Variants in AMZ1 observed in about 807,000 individuals in gnomAD.
AMZ1 encodes the protein archaemetzincin-1.
A neutral mutation model predicts 29.9 loss-of-function variants in AMZ1; 39 were observed. The ratio of observed to expected loss-of-function variants is 1.30; its 90% CI spans 1.01 to 1.70. AMZ1 has a LOEUF of 1.70. Among genes scored for constraint, AMZ1 ranks in the 40% most tolerant of loss-of-function variants. The pLI, the probability that AMZ1 is intolerant of heterozygous loss-of-function variation, is 0.00. For synonymous variants in AMZ1, 458 were observed against 304.0 expected, an observed-to-expected ratio of 1.51 and a Z score of -5.27; for missense variants, 1,041 against 680.6, an observed-to-expected ratio of 1.53 and a Z score of -5.89.
rs547078155 is a variant in AMZ1, at chr7:2,699,651, G to A, written c.-218-583G>A. ...GTTGGGGGGTCCCTAGGTGATAGGGGCTCTGGGTGAGGAGGAATCCCAGAT... is the reference window on the plus strand; with the variant it reads ...GTTGGGGGGTCCCTAGGTGATAGGGACTCTGGGTGAGGAGGAATCCCAGAT... On this transcript the variant is annotated intron_variant, in intron 1 of 6. Coordinates refer to ENST00000683327, the MANE Select transcript of AMZ1 (RefSeq NM_001384743.1). Among the ~76,000 whole-genome samples, 18 of 152,336 alleles carry A rather than the reference G, an allele frequency of 1.2e-4. 1 individual carries two copies. The highest frequency in any genetic ancestry group is 4.1e-4 in the African/African-American group (17 of 41,578).
intron 6 of AMZ1, among the ~76,000 whole-genome samples, chr7:2,710,606 G>C (rs890100526): frequency 1.3e-5 from 2 of 152,192 alleles, no homozygotes; most frequent in African/African-American, 4.8e-5. Flanking sequence ...GCTGTATCTT[G>C]CAGGGTCCTG....
intron 4 of AMZ1, among the ~76,000 whole-genome samples, chr7:2,757,364 C>T (rs1247275114): frequency 3.9e-5 from 6 of 152,046 alleles, no homozygotes; most frequent in African/African-American, 1.4e-4. Context: ...AAAAGAGGTG[C>T]TCTCCTGCTG....
chr7:2,735,312 G>C (rs570652065), intron 4 of AMZ1, among the ~76,000 whole-genome samples: 2 of 152,312 alleles, frequency 1.3e-5, no homozygotes, highest in African/African-American at 4.8e-5. Context: ...ACCCTTGCCC[G>C]TTTCTAGGCA....
chr7:2,764,028 TC>T (rs1791697497), upstream of AMZ1, among the ~76,000 whole-genome samples: 1 of 152,160 alleles, frequency 6.6e-6, no homozygotes, highest in South Asian at 2.1e-4. Flanking sequence ...CTAGAAGTCT[TC>T]CTAAGGCTGC....
intron 1 of AMZ1, among the ~76,000 whole-genome samples, chr7:2,699,572 G>C (rs1583157703): frequency 6.6e-6 from 1 of 151,626 alleles, no homozygotes; most frequent in East Asian, 1.9e-4. Context: ...ACAGGGACCT[G>C]CTAGGAAAGC....
chr7:2,706,314 G>A (rs951247728), intron 3 of AMZ1, among the ~76,000 whole-genome samples: 3 of 152,172 alleles, frequency 2.0e-5, no homozygotes, highest in Non-Finnish European at 4.4e-5. Context: ...CCGCAGACAC[G>A]TGCCATCACA....
At chr7:2,694,111 C>G (rs1050462979) in intron 1 of AMZ1, among the ~76,000 whole-genome samples, 1 of 152,198 alleles carries the variant, frequency 6.6e-6, no homozygotes, top group African/African-American at 2.4e-5. Flanking sequence ...CTGGGCGTGT[C>G]TGTGAGGGTG....
intron 4 of AMZ1, chr7:2,730,949 G>A (rs1035596419): frequency 7.8e-6 from 4 of 515,876 alleles, no homozygotes; most frequent in East Asian, 3.0e-5. Flanking sequence ...ATCATCACTC[G>A]GATTTTCAGT....
In AMZ1 at chr7:2,719,293, G is replaced by C. The variant is rs1008073832; in HGVS notation, c.*6415G>C. Reference sequence around the variant, plus strand: ...CCACTTGGAGGCAGTTGTTTCACGTGGGGCTCTTGATGGCATAACCTGATG... The same window carrying C: ...CCACTTGGAGGCAGTTGTTTCACGTCGGGCTCTTGATGGCATAACCTGATG... On this transcript the variant is annotated 3_prime_UTR_variant, in exon 7 of 7. Transcript: ENST00000683327. Among the ~76,000 whole-genome samples, 1 of 152,208 alleles carries C rather than the reference G, an allele frequency of 6.6e-6. No individual in the cohort carries two copies.
Position 2,745,375 on chromosome 7 carries a change from A to T in AMZ1, n.551-19337A>T, listed in dbSNP as rs2115343290. Among the ~76,000 whole-genome samples, 4 of 152,354 alleles carry T rather than the reference A, an allele frequency of 2.6e-5. 1 individual carries two copies. The highest frequency in any genetic ancestry group is 2.6e-4 in the Admixed American group (4 of 15,304). On this transcript the variant is annotated intron_variant and non_coding_transcript_variant, in intron 4 of 4. Coordinates refer to the AMZ1 transcript ENST00000489665. ...GTGGGGGCCAATATTCAACATTCTT[A>T]AAGAAAATAATTTTCAACCCAGAAT...
chr7:2,738,242 C>A (rs999234291), intron 4 of AMZ1, among the ~76,000 whole-genome samples: 3 of 151,862 alleles, frequency 2.0e-5, no homozygotes, highest in Admixed American at 2.0e-4. Context: ...TGGTGAAACC[C>A]TGTCTGTACT....
chr7:2,754,685 G>A (rs950282160), intron 4 of AMZ1, among the ~76,000 whole-genome samples: 3 of 152,112 alleles, frequency 2.0e-5, no homozygotes, highest in Non-Finnish European at 4.4e-5. Flanking sequence ...GGAGACTGAG[G>A]CTGCAGTGAG....
At position 2,715,232 on chromosome 7, in the gene AMZ1, G is replaced by C. The variant is rs866376281; in HGVS notation, c.*2354G>C. Reference sequence around the variant, plus strand: ...GACAAGGACCCCACCCCAGGTTCACGGGGAGGGGACGTGGCAGGGAATGTG... The same window carrying C: ...GACAAGGACCCCACCCCAGGTTCACCGGGAGGGGACGTGGCAGGGAATGTG... On this transcript the variant is annotated 3_prime_UTR_variant, in exon 7 of 7. Transcript: ENST00000683327. 6.6e-6 allele frequency: 1 copy of C among 152,278 alleles called. No individual in the cohort carries two copies. The highest frequency in any genetic ancestry group is 2.4e-5 in the African/African-American group (1 of 41,406). 9.4% of individuals were successfully genotyped at this position (152,278 alleles called of 1,614,324 possible).
At chr7:2,760,884 G>C (rs1371014292), upstream of AMZ1, among the ~76,000 whole-genome samples, 2 of 152,224 alleles carry the variant, frequency 1.3e-5, no homozygotes, top group Admixed American at 6.5e-5. Flanking sequence ...CATCCTCACA[G>C]CAATGTGGCT....
rs1476382998 is a variant in AMZ1, at chr7:2,712,745, C to G, written c.1364C>G (p.Pro455Arg). 6.2e-7 allele frequency: 1 copy of G among 1,604,916 alleles called. No individual in the cohort carries two copies. Among genetic ancestry groups the G allele is most frequent in the Non-Finnish European group, 8.5e-7 (1 of 1,174,894 alleles). ...CTCCCGGCCACCAGGCAGGACCCAC[C>G]CAGCAGCAGGGACAGCGTGGGGCTG... ...GQLPATRQDP[P>R]SSRDSVGLRK... The change falls in exon 7 of 7, where the codon CCC becomes CGC. Residue 455 changes from proline to arginine, a missense_variant. Transcript: ENST00000683327.
chr7:2,742,639 A>G (rs957614399), intron 4 of AMZ1, among the ~76,000 whole-genome samples: 2 of 152,134 alleles, frequency 1.3e-5, no homozygotes, highest in Non-Finnish European at 2.9e-5. Context: ...TCAGCTGTCA[A>G]TGTCTACCCT....
intron 4 of AMZ1, among the ~76,000 whole-genome samples, chr7:2,737,324 T>C (rs1371495185): frequency 8.2e-6 from 1 of 121,622 alleles, no homozygotes; most frequent in Non-Finnish European, 1.6e-5. Flanking sequence ...AGTCTCGCCC[T>C]GTCGCCCCGG....
chr7:2,759,562 G>T (rs894820898), intron 4 of AMZ1, among the ~76,000 whole-genome samples: 5 of 152,380 alleles, frequency 3.3e-5, no homozygotes, highest in Non-Finnish European at 7.3e-5. Context: ...GAATAGTGGT[G>T]ACGCTGGGGT....
chr7:2,737,264 G>GTTTTTTTTTTTTTTTTTTT (rs201866976), intron 4 of AMZ1, among the ~76,000 whole-genome samples: 1 of 52,452 alleles, frequency 1.9e-5, no homozygotes. Context: ...CTATCTCACA[G>GTTTTTTTTTTTTTTTTTTT]TTTTGTTTTG....
Sources: allele counts gnomAD v4.1 joint callset (sites outside exome capture counted in the v4.1 genomes callset), GRCh38; gene constraint gnomAD v4.1.1; transcripts MANE v1.5; gene names NCBI Gene and HGNC (gene_info 2026-07-23, HGNC 2026-07-21).